The following EML4 variants were observed in gnomAD, a reference collection of about 807,000 sequenced individuals.
EML4 encodes EMAP like 4.
In EML4, 72 loss-of-function variants were observed where a neutral mutation model predicts 129.0. The observed-to-expected ratio is 0.56, with a 90% CI of 0.46 to 0.68. EML4 has a LOEUF of 0.68. EML4 is among the 30% of genes least tolerant of loss of function. The probability of loss-of-function intolerance (pLI) is 0.00; values close to 1 mark genes in which losing one functional copy is unlikely to be tolerated. For missense variants in EML4, 1,363 were observed against 1,190.6 expected, an observed-to-expected ratio of 1.14 and a Z score of -2.13; for synonymous variants, 532 against 405.0, an observed-to-expected ratio of 1.31 and a Z score of -3.77.
At chr2:42,321,627 G>A (rs1208800725) in intron 19 of EML4, among the ~76,000 whole-genome samples, 1 of 152,040 alleles carries the variant, frequency 6.6e-6, no homozygotes, top group African/African-American at 2.4e-5. Context: ...GAGTTTTCCT[G>A]GAAGCCCCAC....
chr2:42,226,634 G>C (rs926428012), intron 1 of EML4, among the ~76,000 whole-genome samples: 1 of 151,764 alleles, frequency 6.6e-6, no homozygotes, highest in African/African-American at 2.4e-5. Flanking sequence ...TCCAGCCTGG[G>C]CAACAGAGTA....
At chr2:42,304,350 T>G in intron 16 of EML4, 134 bp from the exon 17 acceptor site, 1 of 672,758 alleles carries the variant, frequency 1.5e-6, no homozygotes, top group Non-Finnish European at 2.7e-6. Context: ...ATCTGTGTGG[T>G]ATTTCTCATT....
At chr2:42,208,434 C>G (rs1348248848) in intron 1 of EML4, among the ~76,000 whole-genome samples, 1 of 147,798 alleles carries the variant, frequency 6.8e-6, no homozygotes, top group Non-Finnish European at 1.5e-5. Context: ...AATTTTTTTT[C>G]TTTTCTTTTC....
At chr2:42,288,924 C>T (rs1667463823) in intron 11 of EML4, 1 of 152,166 alleles carries the variant, frequency 6.6e-6, no homozygotes, top group Non-Finnish European at 1.5e-5. Context: ...CTCCCTCTGA[C>T]AGGCATTTAA....
chr2:42,312,940 G>A (rs1669041762), intron 17 of EML4, among the ~76,000 whole-genome samples: 1 of 136,700 alleles, frequency 7.3e-6, no homozygotes, highest in African/African-American at 2.8e-5. Context: ...CTGAACCAAT[G>A]TATATCTTTT....
chr2:42,206,591 T>C (rs974346488), intron 1 of EML4, among the ~76,000 whole-genome samples: 4 of 152,170 alleles, frequency 2.6e-5, no homozygotes, highest in Admixed American at 1.3e-4. Flanking sequence ...TTCGTGAGCC[T>C]TTTTTGTTCC....
At chr2:42,282,617 T>C (rs911162389) in intron 7 of EML4, among the ~76,000 whole-genome samples, 2 of 152,096 alleles carry the variant, frequency 1.3e-5, no homozygotes, top group Admixed American at 6.6e-5. Flanking sequence ...ACTCTCAAAC[T>C]CCTGGACTGA....
chr2:42,209,472 A>T lies in EML4; in HGVS notation c.26-36033A>T, dbSNP rs534588365. 7.2e-5 allele frequency among the ~76,000 whole-genome samples: 11 copies of T among 152,328 alleles called. No individual in the cohort carries two copies. In the East Asian group the frequency reaches 2.1e-3, roughly 29 times the overall value. ...TTTATAGATGAGGAAATGATAATGT[A>T]ACTAGTAGGTGGTGAAACTTTGATC... On this transcript the variant is annotated intron_variant, in intron 1 of 22. Coordinates refer to ENST00000318522, the MANE Select transcript of EML4 (RefSeq NM_019063.5).
At chr2:42,253,945 C>G (rs886215987) in intron 2 of EML4, among the ~76,000 whole-genome samples, 1 of 152,124 alleles carries the variant, frequency 6.6e-6, no homozygotes, top group Non-Finnish European at 1.5e-5. Flanking sequence ...AAATCTTGTT[C>G]TTTCAAAAAC....
At chr2:42,323,715 C>G (rs1325842021) in intron 19 of EML4, among the ~76,000 whole-genome samples, 1 of 150,724 alleles carries the variant, frequency 6.6e-6, no homozygotes, top group African/African-American at 2.4e-5. Flanking sequence ...AAGTGGATAA[C>G]TTCAGGTCAG....
chr2:42,243,962 T>A (rs982682830), intron 1 of EML4, among the ~76,000 whole-genome samples: 14 of 152,182 alleles, frequency 9.2e-5, no homozygotes, highest in African/African-American at 3.4e-4. Context: ...GCTCTTACAT[T>A]AGAATCTAAA....
At chr2:42,171,109 CCTTA>C (rs756135663) in intron 1 of EML4, among the ~76,000 whole-genome samples, 25 of 152,172 alleles carry the variant, frequency 1.6e-4, no homozygotes, top group Non-Finnish European at 2.8e-4. Context: ...TCTTGTAATT[CCTTA>C]CTTAGGTTGG....
Position 42,332,022 on chromosome 2 carries a change from T to C in EML4, c.*1815T>C, listed in dbSNP as rs565101984. The C allele has an allele frequency of 2.7e-5, 6 of 222,750 alleles. No individual in the cohort carries two copies. Among genetic ancestry groups the C allele is most frequent in the Non-Finnish European group, 2.7e-5 (3 of 111,230 alleles). The allele number at this position is 222,750 out of a possible 1,614,324, so 13.8% of individuals were successfully genotyped here. ...AGTATGTATGTTCTGTACATACTTATCGGAGCGCGCCAGTAAGTATCAGGC... is the reference window on the plus strand; with the variant it reads ...AGTATGTATGTTCTGTACATACTTACCGGAGCGCGCCAGTAAGTATCAGGC... On this transcript the variant is annotated 3_prime_UTR_variant, in exon 23 of 23. Coordinates refer to ENST00000318522, the MANE Select transcript of EML4 (RefSeq NM_019063.5).
intron 6 of EML4, among the ~76,000 whole-genome samples, chr2:42,268,241 C>G (rs1408332536): frequency 6.6e-6 from 1 of 152,028 alleles, no homozygotes; most frequent in Non-Finnish European, 1.5e-5. Flanking sequence ...TCATAATTCC[C>G]TAAACAATAC....
At chr2:42,223,095 G>A (rs545577603) in intron 1 of EML4, among the ~76,000 whole-genome samples, 5 of 152,110 alleles carry the variant, frequency 3.3e-5, no homozygotes, top group South Asian at 2.1e-4. Flanking sequence ...GTGAGCCACC[G>A]TGCCTGGCCA....
At chr2:42,207,372 G>A (rs986565640) in intron 1 of EML4, among the ~76,000 whole-genome samples, 4 of 152,162 alleles carry the variant, frequency 2.6e-5, no homozygotes, top group African/African-American at 9.7e-5. Flanking sequence ...CCTTAAGGGT[G>A]ATTGGAGTGT....
At chr2:42,233,889 C>T (rs1032395247) in intron 1 of EML4, among the ~76,000 whole-genome samples, 2 of 152,112 alleles carry the variant, frequency 1.3e-5, no homozygotes, top group African/African-American at 4.8e-5. Context: ...TATTTTATTT[C>T]CTACTAGGAA....
intron 11 of EML4, among the ~76,000 whole-genome samples, chr2:42,293,624 C>A (rs1017111898): frequency 1.3e-5 from 2 of 151,922 alleles, no homozygotes; most frequent in Admixed American, 1.3e-4. Flanking sequence ...GGTTTTGTTT[C>A]GTTTTGAGAC....
intron 1 of EML4, among the ~76,000 whole-genome samples, chr2:42,218,006 T>C (rs1673308959): frequency 1.3e-5 from 2 of 152,102 alleles, no homozygotes; most frequent in African/African-American, 2.4e-5. Flanking sequence ...TGTAATGAAG[T>C]GGGCTGTAGA....
Sources: gnomAD v4.1 joint callset for allele counts (sites outside exome capture counted in the v4.1 genomes callset) on GRCh38, gnomAD v4.1.1 for gene constraint, MANE v1.5 for transcripts, NCBI Gene and HGNC (gene_info 2026-07-23, HGNC 2026-07-21) for gene names.